The following SLC7A14 variants were observed in gnomAD, a reference collection of about 807,000 sequenced individuals.
SLC7A14 encodes the protein gamma-aminobutyric acid transporter SLC7A14.
Under a neutral mutation model 60.2 loss-of-function variants are expected in SLC7A14, and 37 were observed. The ratio of observed to expected loss-of-function variants is 0.61; its 90% CI spans 0.47 to 0.81. SLC7A14 has a LOEUF of 0.81. Ranked by LOEUF, SLC7A14 falls within the 30% of genes least tolerant of loss-of-function variation. The pLI, the probability that SLC7A14 is intolerant of heterozygous loss-of-function variation, is 0.00. For synonymous variants in SLC7A14, 399 were observed against 395.8 expected, an observed-to-expected ratio of 1.01 and a Z score of -0.10; for missense variants, 886 against 982.7, an observed-to-expected ratio of 0.90 and a Z score of 1.32.
At chr3:170,505,657 G>A (rs1235486665) in intron 2 of SLC7A14, among the ~76,000 whole-genome samples, 1 of 152,088 alleles carries the variant, frequency 6.6e-6, no homozygotes, top group Non-Finnish European at 1.5e-5. Context: ...AGGGCGAGGC[G>A]GGTGGATCAC....
At chr3:170,470,547 G>C (rs371503295) in intron 7 of SLC7A14, among the ~76,000 whole-genome samples, 1 of 152,174 alleles carries the variant, frequency 6.6e-6, no homozygotes, top group Non-Finnish European at 1.5e-5. Flanking sequence ...ACGACCGTGT[G>C]CATGCAGCCT....
At chr3:170,469,903 A>C (rs185784759) in intron 7 of SLC7A14, among the ~76,000 whole-genome samples, 1 of 151,982 alleles carries the variant, frequency 6.6e-6, no homozygotes, top group East Asian at 1.9e-4. Context: ...TTGTTCAGTC[A>C]CTGGTTTGAC....
intron 1 of SLC7A14, among the ~76,000 whole-genome samples, chr3:170,584,072 C>T (rs1372645557): frequency 1.3e-5 from 2 of 152,184 alleles, no homozygotes; most frequent in African/African-American, 4.8e-5. Context: ...GTTTCCTTCT[C>T]TGTGTGATAC....
At chr3:170,545,287 G>A (rs1233429506) in intron 1 of SLC7A14, among the ~76,000 whole-genome samples, 2 of 152,178 alleles carry the variant, frequency 1.3e-5, no homozygotes, top group Non-Finnish European at 2.9e-5. Flanking sequence ...CACCAGCAGT[G>A]AACGCCTCCC....
intron 5 of SLC7A14, among the ~76,000 whole-genome samples, chr3:170,484,300 A>G (rs1242842955): frequency 6.6e-6 from 1 of 152,194 alleles, no homozygotes; most frequent in African/African-American, 2.4e-5. Flanking sequence ...TGTCTTTGCT[A>G]TTCCCTCTAC....
At chr3:170,473,415 C>T (rs1711512300) in intron 7 of SLC7A14, among the ~76,000 whole-genome samples, 1 of 152,212 alleles carries the variant, frequency 6.6e-6, no homozygotes, top group Non-Finnish European at 1.5e-5. Flanking sequence ...ACTCCCTGTC[C>T]TCTCCATGAA....
chr3:170,556,805 G>A lies in SLC7A14; in HGVS notation c.-153+29106C>T, dbSNP rs551627914. Among the ~76,000 whole-genome samples the A allele has an allele frequency of 2.0e-5, 3 of 152,180 alleles. No individual in the cohort carries two copies. In the South Asian group the frequency reaches 6.2e-4, roughly 32 times the overall value. ...TAGGTATTGATTTTTGCCTACCATA[G>A]ACAGACACAGACACACTGAAGGAAG... On this transcript the variant is annotated intron_variant, in intron 1 of 7. Coordinates refer to ENST00000231706, the MANE Select transcript of SLC7A14 (RefSeq NM_020949.3).
chr3:170,482,099 C>T (rs1434136793), intron 6 of SLC7A14, among the ~76,000 whole-genome samples: 1 of 152,094 alleles, frequency 6.6e-6, no homozygotes, highest in Non-Finnish European at 1.5e-5. Flanking sequence ...AAACTGTGCT[C>T]GTAGATACAG....
intron 1 of SLC7A14, among the ~76,000 whole-genome samples, chr3:170,574,555 A>G (rs1027034740): frequency 1.3e-5 from 2 of 152,170 alleles, no homozygotes; most frequent in African/African-American, 4.8e-5. Context: ...TCCTATGGTG[A>G]TCACTACCTG....
intron 1 of SLC7A14, among the ~76,000 whole-genome samples, chr3:170,568,713 A>C (rs1714863061): frequency 6.6e-6 from 1 of 152,180 alleles, no homozygotes. Flanking sequence ...TTCTCCTTGA[A>C]GAGTTCCTTC....
rs1307312538 is a variant in SLC7A14, at chr3:170,466,626, C to T, written c.*429G>A. The T allele has an allele frequency of 1.9e-5, 3 of 156,338 alleles. No homozygotes were observed. The highest frequency in any genetic ancestry group is 2.8e-5 in the Non-Finnish European group (2 of 71,092). 9.7% of individuals were successfully genotyped at this position (156,338 alleles called of 1,614,324 possible). ...CAGGAAGTGCCAATGCCCATCTACC[C>T]ACCCTGACCTCGGGGAGCAGCACTC... On this transcript the variant is annotated 3_prime_UTR_variant, in exon 8 of 8. Transcript: ENST00000231706.
rs1712379761 is a variant in SLC7A14 at position 170,495,962 on chromosome 3, C to T, written c.759+2705G>A. 3 of 1,303,508 alleles carry T rather than the reference C, an allele frequency of 2.3e-6. No homozygotes were observed. In the South Asian group the frequency reaches 3.5e-5, roughly 15 times the overall value. The allele number at this position is 1,303,508 out of a possible 1,614,324, so 80.7% of individuals were successfully genotyped here. A position where few individuals can be genotyped will look rare whatever the true frequency, so the allele number is the denominator to read the frequency against. ...AGGGGCTGGTGGAGGACTTCAAGAACAAGTATGAGGATGAGATCAATAAGC... is the reference window on the plus strand; with the variant it reads ...AGGGGCTGGTGGAGGACTTCAAGAATAAGTATGAGGATGAGATCAATAAGC... On this transcript the variant is annotated intron_variant, in intron 4 of 7. Transcript: ENST00000231706.
intron 1 of SLC7A14, among the ~76,000 whole-genome samples, chr3:170,565,796 C>T (rs1224727271): frequency 2.6e-5 from 4 of 151,974 alleles, no homozygotes; most frequent in Non-Finnish European, 4.4e-5. Context: ...ATGACCCCTT[C>T]CCTGCTATTA....
intron 1 of SLC7A14, among the ~76,000 whole-genome samples, chr3:170,555,890 A>G (rs559684353): frequency 2.6e-5 from 4 of 152,346 alleles, no homozygotes; most frequent in African/African-American, 7.2e-5. Flanking sequence ...TCTATTATAA[A>G]TAATACTACA....
chr3:170,475,693 C>A (rs983217648), intron 7 of SLC7A14, among the ~76,000 whole-genome samples: 1 of 151,898 alleles, frequency 6.6e-6, no homozygotes, highest in Non-Finnish European at 1.5e-5. Context: ...TTCAGTAGAC[C>A]TGGGGTGGAG....
rs554115115 is a variant in SLC7A14, at chr3:170,552,715, T to C, written c.-152-25627A>G. The stretch of plus-strand genomic sequence containing the variant: ...CCACACCCATTGAGAGCTTCTTTTC[T>C]AAAGTTATCTTCTGCATCCTTTTGC... On this transcript the variant is annotated intron_variant, in intron 1 of 7. Transcript: ENST00000231706. 6.6e-5 allele frequency among the ~76,000 whole-genome samples: 10 copies of C among 152,366 alleles called. No homozygotes were observed. In the South Asian group the frequency reaches 1.7e-3, roughly 25 times the overall value.
At position 170,526,758 on chromosome 3, in the gene SLC7A14, G is replaced by C; in HGVS notation, c.179C>G (p.Ser60Cys). ...AQVLTTVDLI[S>C]LGVGSCVGTG... ...GCCCACACAGCTGCCAACGCCAAGA[G>C]AGATGAGGTCCACTGTGGTGAGTAC... Residue 60 changes from serine (S) to cysteine (C), a missense_variant, in exon 2 of 8, where the codon TCT becomes TGT. Physicochemically the swap from Ser to Cys is moderately radical, Grantham distance 112. Transcript: ENST00000231706. The C allele has an allele frequency of 2.5e-6, 4 of 1,614,266 alleles. No individual in the cohort carries two copies. Among genetic ancestry groups the C allele is most frequent in the Non-Finnish European group, 3.4e-6 (4 of 1,180,052 alleles).
chr3:170,470,394 A>C (rs1465755340), intron 7 of SLC7A14, among the ~76,000 whole-genome samples: 2 of 149,940 alleles, frequency 1.3e-5, no homozygotes, highest in African/African-American at 4.9e-5. Context: ...GTTACTTTTT[A>C]CTTTGTGAAG....
intron 2 of SLC7A14, among the ~76,000 whole-genome samples, chr3:170,506,666 C>T (rs563863267): frequency 6.6e-6 from 1 of 152,318 alleles, no homozygotes; most frequent in South Asian, 2.1e-4. Context: ...CCTTTCTAAA[C>T]TATGCTTAAC....
Sources: gnomAD v4.1 joint callset for allele counts (sites outside exome capture counted in the v4.1 genomes callset) on GRCh38, gnomAD v4.1.1 for gene constraint, MANE v1.5 for transcripts, NCBI Gene and HGNC (gene_info 2026-07-23, HGNC 2026-07-21) for gene names.